SV2C: variants seen among roughly 807,000 people sequenced by gnomAD.
SV2C encodes solute carrier family 22 member B3.
In SV2C, 49 loss-of-function variants were observed where a neutral mutation model predicts 79.7. The ratio of observed to expected loss-of-function variants is 0.61; its 90% CI spans 0.49 to 0.78. SV2C has a LOEUF of 0.78. Among genes scored for constraint, SV2C ranks in the 30% least tolerant of loss-of-function variants. The pLI is 0.00. For missense variants in SV2C, 833 were observed against 912.9 expected (o/e 0.91, Z 1.13); for synonymous variants, 334 against 333.2 (o/e 1.00, Z -0.03).
chr5:75,868,801 G>A, the SV2C span, among the ~76,000 whole-genome samples: 6 of 152,096 alleles, frequency 3.9e-5, no homozygotes, highest in South Asian at 1.2e-3. Flanking sequence ...AGAGTCCCCT[G>A]CCCACAATTC....
At chr5:75,874,620 C>T in the SV2C span, among the ~76,000 whole-genome samples, 3 of 152,142 alleles carry the variant, frequency 2.0e-5, no homozygotes, top group Non-Finnish European at 4.4e-5. Flanking sequence ...CAAACAATCT[C>T]TGTTTGCAGA....
At chr5:76,230,535 G>A (rs77198831) in intron 4 of SV2C, among the ~76,000 whole-genome samples, 17,912 of 152,174 alleles carry the variant, frequency 0.12, 3,067 homozygotes, top group African/African-American at 0.38. Flanking sequence ...TGGGCGTGGT[G>A]ATCCAAGCAC....
chr5:76,338,688 C>T (rs1421426530), downstream of SV2C, among the ~76,000 whole-genome samples: 3 of 144,718 alleles, frequency 2.1e-5, no homozygotes, highest in Middle Eastern at 3.6e-3. Context: ...GACAGATTCT[C>T]ACTCTGTCAC....
rs1225261723 is a variant in SV2C at position 76,341,108 on chromosome 5, T to G, written c.2001-12022T>G. Among the ~76,000 whole-genome samples the G allele has an allele frequency of 2.0e-5, 3 of 152,048 alleles. No individual in the cohort carries two copies. In the East Asian group the frequency reaches 5.8e-4, roughly 29 times the overall value. ...ACCATGCCTAGCTAATTTTTATATT[T>G]TTAGTACAGACGGGTTTTCACCATG... On this transcript the variant is annotated intron_variant, in intron 12 of 12. Transcript: ENST00000322285.
At chr5:76,317,433 A>AACCCCC (rs1748661638) in intron 12 of SV2C, among the ~76,000 whole-genome samples, 1 of 146,808 alleles carries the variant, frequency 6.8e-6, no homozygotes, top group African/African-American at 2.6e-5. Flanking sequence ...AAAAAGAACC[A>AACCCCC]CCCCCCCCAA....
chr5:76,104,805 C>T (rs913686222), intron 1 of SV2C, among the ~76,000 whole-genome samples: 2 of 152,142 alleles, frequency 1.3e-5, no homozygotes, highest in Admixed American at 6.5e-5. Context: ...AAGAAGGGAC[C>T]TGCTCTTTCT....
the SV2C span, among the ~76,000 whole-genome samples, chr5:76,044,874 A>G: frequency 6.6e-6 from 1 of 151,748 alleles, no homozygotes; most frequent in Non-Finnish European, 1.5e-5. Flanking sequence ...TTGTCTGTTC[A>G]CTCTGATGAT....
the SV2C span, among the ~76,000 whole-genome samples, chr5:76,036,890 C>T: frequency 3.9e-5 from 6 of 152,222 alleles, no homozygotes; most frequent in South Asian, 2.1e-4. Flanking sequence ...ACCAATCAGA[C>T]GTAGATTTGG....
chr5:75,930,235 G>T, the SV2C span, among the ~76,000 whole-genome samples: 1 of 150,654 alleles, frequency 6.6e-6, no homozygotes, highest in South Asian at 2.1e-4. Flanking sequence ...ACATATTATT[G>T]TCAGGTGCAG....
chr5:75,878,430 A>T, the SV2C span, among the ~76,000 whole-genome samples: 590 of 152,280 alleles, frequency 3.9e-3, 2 homozygotes, highest in African/African-American at 0.014. Flanking sequence ...TTTTTAATGC[A>T]TCTATACTGT....
chr5:75,903,200 G>A, the SV2C span, among the ~76,000 whole-genome samples: 17 of 152,176 alleles, frequency 1.1e-4, no homozygotes, highest in East Asian at 3.1e-3. Context: ...TAAAGAATAA[G>A]AGCATAGAAT....
the SV2C span, among the ~76,000 whole-genome samples, chr5:76,000,331 G>C: frequency 2.4e-4 from 37 of 152,200 alleles, no homozygotes; most frequent in African/African-American, 8.4e-4. Context: ...TGTGCCATCT[G>C]CAAGTTCCCA....
intron 6 of SV2C, 191 bp downstream of exon 6, chr5:76,286,061 C>T: frequency 1.9e-6 from 1 of 529,548 alleles, no homozygotes; most frequent in Non-Finnish European, 3.3e-6. Flanking sequence ...GTCAATAAAA[C>T]TTTATTTACA....
Position 76,233,655 on chromosome 5 carries a change from G to C in SV2C, c.913+23768G>C, listed in dbSNP as rs549368667. 6.6e-4 allele frequency among the ~76,000 whole-genome samples: 100 copies of C among 151,528 alleles called. 1 individual carries two copies. The highest frequency in any genetic ancestry group is 7.7e-4 in the East Asian group (4 of 5,190). On this transcript the variant is annotated intron_variant, in intron 4 of 12. Transcript: ENST00000502798. ...TTGAGAGTTTTTAGCATGAAGGGTT[G>C]TTGAATTTTGTCAAAGGCCTCTTCT... is the stretch of plus-strand genomic sequence containing the variant.
the SV2C span, among the ~76,000 whole-genome samples, chr5:75,894,145 G>C: frequency 6.6e-6 from 1 of 152,056 alleles, no homozygotes; most frequent in Non-Finnish European, 1.5e-5. Context: ...AGACAGACTG[G>C]AGGCACTAGG....
At chr5:75,856,665 G>A in the SV2C span, among the ~76,000 whole-genome samples, 66 of 152,100 alleles carry the variant, frequency 4.3e-4, no homozygotes, top group Admixed American at 4.3e-3. Flanking sequence ...CTAGATAGTT[G>A]TTTGAGCACC....
chr5:76,161,757 C>A (rs1359319317), intron 2 of SV2C, among the ~76,000 whole-genome samples: 1 of 152,150 alleles, frequency 6.6e-6, no homozygotes, highest in East Asian at 1.9e-4. Flanking sequence ...TGAATTAGTA[C>A]ATGAATTATA....
Position 76,285,857 on chromosome 5 carries a change from A to T in SV2C, c.1124A>T (p.Glu375Val). 1 of 1,614,072 alleles carries T rather than the reference A, an allele frequency of 6.2e-7. No homozygotes were observed. The highest frequency in any genetic ancestry group is 1.1e-5 in the South Asian group (1 of 91,058). ...DTNMRARGQP[E>V]KVFTVNKIKT... ...AACATGAGAGCCCGGGGTCAGCCTG[A>T]GAAGGTCTTCACGGTGAGTCTTCTC... is the stretch of plus-strand genomic sequence containing the variant. The change falls in exon 6 of 13, where the codon GAG (glutamate) becomes GTG (valine). Residue 375 changes from glutamate to valine, a missense_variant. Transcript: ENST00000502798.
At chr5:76,037,461 A>C in the SV2C span, among the ~76,000 whole-genome samples, 1 of 152,116 alleles carries the variant, frequency 6.6e-6, no homozygotes, top group African/African-American at 2.4e-5. Context: ...TTTTCCTTCT[A>C]ACAGACAGGA....
Sources: allele counts gnomAD v4.1 joint callset (sites outside exome capture counted in the v4.1 genomes callset), GRCh38; gene constraint gnomAD v4.1.1; transcripts MANE v1.5; gene names NCBI Gene and HGNC (gene_info 2026-07-23, HGNC 2026-07-21).